The following MYO1E variants were observed in gnomAD, a reference collection of about 807,000 sequenced individuals.
MYO1E encodes the protein myosin IE.
MYO1E carries 68 observed loss-of-function variants against 151.1 expected under a neutral mutation model. The observed-to-expected ratio is 0.45, with a 90% CI of 0.37 to 0.55. MYO1E has a LOEUF of 0.55. Ranked by LOEUF, MYO1E falls within the 20% of genes least tolerant of loss-of-function variation. The pLI, the probability that MYO1E is intolerant of heterozygous loss-of-function variation, is 0.00. For missense variants in MYO1E, 1,363 were observed against 1,389.3 expected, an observed-to-expected ratio of 0.98 and a Z score of 0.30; for synonymous variants, 601 against 501.7, an observed-to-expected ratio of 1.20 and a Z score of -2.64.
At chr15:59,327,358 A>C in intron 1 of MYO1E, among the ~76,000 whole-genome samples, 1 of 149,968 alleles carries the variant, frequency 6.7e-6, no homozygotes, top group Non-Finnish European at 1.5e-5. Context: ...ATGGGGTCTC[A>C]CTCTATCACC....
At chr15:59,204,299 AG>A (rs2079819502) in intron 15 of MYO1E, among the ~76,000 whole-genome samples, 1 of 152,230 alleles carries the variant, frequency 6.6e-6, no homozygotes, top group Non-Finnish European at 1.5e-5. Context: ...CAGGGAGAGA[AG>A]TAAACGGAGC....
At chr15:59,246,263 G>A (rs2080129511) in intron 4 of MYO1E, among the ~76,000 whole-genome samples, 1 of 152,064 alleles carries the variant, frequency 6.6e-6, no homozygotes, top group South Asian at 2.1e-4. Context: ...GATTACAGGT[G>A]CCTGCCACCA....
chr15:59,162,704 G>A (rs544908530), intron 23 of MYO1E, among the ~76,000 whole-genome samples: 10 of 149,946 alleles, frequency 6.7e-5, no homozygotes, highest in Non-Finnish European at 1.3e-4. Context: ...TACACAATAC[G>A]TTGGCCACCT....
chr15:59,151,010 G>GACACAC (rs60541381), intron 26 of MYO1E, among the ~76,000 whole-genome samples: 14 of 141,186 alleles, frequency 9.9e-5, no homozygotes, highest in South Asian at 2.4e-4. Flanking sequence ...AGAGGAGAGG[G>GACACAC]ACACACACAC....
chr15:59,303,659 C>A (rs530235409), intron 1 of MYO1E, among the ~76,000 whole-genome samples: 1 of 152,180 alleles, frequency 6.6e-6, no homozygotes, highest in African/African-American at 2.4e-5. Context: ...AATCCCACAG[C>A]GAGATGGTAT....
intron 25 of MYO1E, among the ~76,000 whole-genome samples, chr15:59,156,653 T>A (rs1359074974): frequency 1.3e-5 from 2 of 152,212 alleles, no homozygotes; most frequent in South Asian, 4.1e-4. Flanking sequence ...TTACTCCTTA[T>A]CTTGGACATT....
At chr15:59,205,631 G>A in intron 14 of MYO1E, 146 bp from the exon 15 acceptor site, 6 of 763,844 alleles carry the variant, frequency 7.9e-6, no homozygotes, top group Non-Finnish European at 1.1e-5. Context: ...TGGATTTCCA[G>A]ATGTTGCATT....
chr15:59,307,430 A>G (rs376717486), intron 1 of MYO1E, among the ~76,000 whole-genome samples: 2 of 152,324 alleles, frequency 1.3e-5, no homozygotes, highest in African/African-American at 4.8e-5. Flanking sequence ...CACCATGGGA[A>G]AGGGACAGAG....
intron 1 of MYO1E, among the ~76,000 whole-genome samples, chr15:59,296,839 C>CTTTTT (rs10717328): frequency 8.0e-6 from 1 of 125,530 alleles, no homozygotes; most frequent in Non-Finnish European, 1.7e-5. Context: ...ATACTTTTTT[C>CTTTTT]TTTTTTTTTT....
intron 22 of MYO1E, among the ~76,000 whole-genome samples, chr15:59,165,365 C>T (rs2140312694): frequency 6.6e-6 from 1 of 152,268 alleles, no homozygotes; most frequent in African/African-American, 2.4e-5. Flanking sequence ...CAAAGAGTTT[C>T]CCTTGGACGT....
Position 59,193,942 on chromosome 15 carries a change from C to T in MYO1E, c.1805+1519G>A, listed in dbSNP as rs572851377. 3.5e-3 allele frequency among the ~76,000 whole-genome samples: 539 copies of T among 152,100 alleles called. 6 individuals carry two copies. Among genetic ancestry groups the T allele is most frequent in the African/African-American group, 0.013 (521 of 41,484 alleles). On this transcript the variant is annotated intron_variant, in intron 17 of 27. Transcript: ENST00000288235. ...CTGTAATCCCAGCACTTTGGGAGGC[C>T]GAGGCAGTTGGATCACGAAGTCAGG...
At chr15:59,182,133 T>C (rs1296046719) in intron 18 of MYO1E, among the ~76,000 whole-genome samples, 5 of 152,212 alleles carry the variant, frequency 3.3e-5, no homozygotes, top group Non-Finnish European at 7.3e-5. Context: ...TTTTGAAATA[T>C]AGTGTGGGGG....
intron 14 of MYO1E, among the ~76,000 whole-genome samples, chr15:59,206,189 AC>A (rs1948480264): frequency 6.6e-6 from 1 of 152,196 alleles, no homozygotes; most frequent in South Asian, 2.1e-4. Flanking sequence ...CTTGATTTAT[AC>A]TACCAGTAGG....
intron 15 of MYO1E, among the ~76,000 whole-genome samples, chr15:59,203,939 A>G (rs1426126654): frequency 1.3e-5 from 2 of 152,192 alleles, no homozygotes; most frequent in Non-Finnish European, 2.9e-5. Context: ...AAGTCTCCCC[A>G]GCAGTCTACT....
intron 3 of MYO1E, among the ~76,000 whole-genome samples, chr15:59,260,306 G>A (rs1431706726): frequency 6.6e-6 from 1 of 152,180 alleles, no homozygotes; most frequent in African/African-American, 2.4e-5. Flanking sequence ...CCTTGTGCTG[G>A]GCTCCCATAA....
chr15:59,324,673 C>T (rs868843780), intron 1 of MYO1E, among the ~76,000 whole-genome samples: 3 of 147,030 alleles, frequency 2.0e-5, no homozygotes, highest in African/African-American at 5.0e-5. Flanking sequence ...GCCCCCCCCC[C>T]ACAGAGGGCA....
intron 3 of MYO1E, among the ~76,000 whole-genome samples, chr15:59,257,175 A>G (rs1195543455): frequency 2.6e-5 from 4 of 152,230 alleles, no homozygotes; most frequent in Non-Finnish European, 5.9e-5. Flanking sequence ...AAAATTACTA[A>G]AAAGAGAAAT....
chr15:59,368,200 G>A (rs1430416356), intron 1 of MYO1E, among the ~76,000 whole-genome samples: 1 of 152,190 alleles, frequency 6.6e-6, no homozygotes, highest in East Asian at 1.9e-4. Flanking sequence ...AGATAATTTG[G>A]TAATATGGTC....
chr15:59,318,005 G>T (rs761888887), intron 1 of MYO1E, among the ~76,000 whole-genome samples: 1 of 152,138 alleles, frequency 6.6e-6, no homozygotes, highest in East Asian at 1.9e-4. Flanking sequence ...CATTCAGCCT[G>T]GTTCTCTAGT....
Sources: gnomAD v4.1 joint callset for allele counts (sites outside exome capture counted in the v4.1 genomes callset) on GRCh38, gnomAD v4.1.1 for gene constraint, MANE v1.5 for transcripts, NCBI Gene and HGNC (gene_info 2026-07-23, HGNC 2026-07-21) for gene names.